Variants in CALB2 observed in about 807,000 individuals in gnomAD.
CALB2 encodes calbindin 2, also known as calretinin.
Under a neutral mutation model 45.9 loss-of-function variants are expected in CALB2, and 34 were observed. That is an observed-to-expected ratio of 0.74 (90% CI 0.56 to 0.99). The LOEUF (loss-of-function observed/expected upper bound fraction) is 0.99. Ranked by LOEUF, CALB2 falls within the 50% of genes least tolerant of loss-of-function variation. The pLI is 0.00. For missense variants in CALB2, 344 were observed against 339.3 expected (o/e 1.01, Z -0.11); for synonymous variants, 142 against 129.6 (o/e 1.10, Z -0.65).
intron 1 of CALB2, among the ~76,000 whole-genome samples, chr16:71,364,062 T>C (rs1244837169): frequency 6.6e-6 from 1 of 152,006 alleles, no homozygotes; most frequent in Admixed American, 6.5e-5. Context: ...ACTCCCCAGT[T>C]TTTTCACTAA....
At chr16:71,383,334 T>G (rs776152335) in intron 5 of CALB2, 33 bp from the exon 6 acceptor site, 8 of 1,596,828 alleles carry the variant, frequency 5.0e-6, no homozygotes, top group Non-Finnish European at 5.1e-6. Context: ...AATGCACGAG[T>G]CAGGAGTACT....
chr16:71,383,910 G>A, intron 6 of CALB2, 60 bp from the exon 7 acceptor site: 4 of 1,569,102 alleles, frequency 2.5e-6, no homozygotes, highest in African/African-American at 1.4e-5. Context: ...CCAGTAAAAG[G>A]GGATGTCAGG....
intron 1 of CALB2, among the ~76,000 whole-genome samples, chr16:71,359,329 G>A (rs900683014): frequency 1.3e-5 from 2 of 152,194 alleles, no homozygotes; most frequent in African/African-American, 4.8e-5. Flanking sequence ...ATAAATTAGG[G>A]GATCCTGAAG....
chr16:71,386,392 C>A (rs2042571628), intron 10 of CALB2, among the ~76,000 whole-genome samples: 1 of 152,116 alleles, frequency 6.6e-6, no homozygotes, highest in Admixed American at 6.5e-5. Context: ...GGACAGAGGC[C>A]AGTGAGAGGT....
chr16:71,369,892 A>T (rs1272510238), intron 1 of CALB2, among the ~76,000 whole-genome samples: 2 of 152,218 alleles, frequency 1.3e-5, no homozygotes, highest in African/African-American at 4.8e-5. Context: ...TCATTCTTCC[A>T]ACTCAGAGCA....
At chr16:71,372,302 A>AC in intron 2 of CALB2, 73 bp downstream of exon 2, 1 of 1,062,188 alleles carries the variant, frequency 9.4e-7, no homozygotes, top group Non-Finnish European at 1.4e-6. Flanking sequence ...TGTCCCAGTT[A>AC]TGTATGCCAT....
chr16:71,384,773 G>T lies in CALB2; in HGVS notation c.574-10G>T. On this transcript the variant is annotated splice_polypyrimidine_tract_variant and intron_variant, in intron 8 of 10. Coordinates refer to ENST00000302628, the MANE Select transcript of CALB2 (RefSeq NM_001740.5). ...TTCTGCTTCTGTCTTTAATACCCTG[G>T]TTCTTGCAGGGCATGAAGCTGACCT... The T allele has an allele frequency of 3.0e-6, 4 of 1,352,460 alleles. No individual in the cohort carries two copies. Among genetic ancestry groups the T allele is most frequent in the Admixed American group, 2.4e-5 (1 of 41,398 alleles). The allele number at this position is 1,352,460 out of a possible 1,614,324, so 83.8% of individuals were successfully genotyped here.
intron 6 of CALB2, 85 bp downstream of exon 6, chr16:71,383,529 T>C (rs968744755): frequency 3.3e-6 from 4 of 1,224,612 alleles, no homozygotes; most frequent in Non-Finnish European, 3.5e-6. Context: ...GGGTCCCTTG[T>C]TTGCTGATTC....
chr16:71,383,572 GCTGGC>G, intron 6 of CALB2, 128 bp downstream of exon 6: 1 of 829,864 alleles, frequency 1.2e-6, no homozygotes, highest in Non-Finnish European at 1.9e-6. Context: ...CACAGTGGCA[GCTGGC>G]AAAAAGGGAT....
chr16:71,380,387 C>T (rs61069194), intron 4 of CALB2, among the ~76,000 whole-genome samples: 19,775 of 139,214 alleles, frequency 0.14, 1,459 homozygotes, highest in South Asian at 0.21. Context: ...CAGCTCACTA[C>T]AACCTCCGCC....
At chr16:71,362,241 A>G (rs1476857134) in intron 1 of CALB2, among the ~76,000 whole-genome samples, 2 of 152,154 alleles carry the variant, frequency 1.3e-5, no homozygotes, top group African/African-American at 4.8e-5. Flanking sequence ...TATGGTTCTG[A>G]TTAGACAGGC....
At chr16:71,365,506 A>T (rs1231781940) in intron 1 of CALB2, among the ~76,000 whole-genome samples, 1 of 152,120 alleles carries the variant, frequency 6.6e-6, no homozygotes, top group African/African-American at 2.4e-5. Flanking sequence ...CCTAGACCAA[A>T]ATTTGAAAAC....
chr16:71,373,371 G>A (rs1183134516), intron 2 of CALB2, among the ~76,000 whole-genome samples: 2 of 152,140 alleles, frequency 1.3e-5, no homozygotes, highest in Non-Finnish European at 1.5e-5. Flanking sequence ...GGTTGGAGGC[G>A]ATTCATGGGT....
intron 10 of CALB2, chr16:71,389,541 C>T (rs2042611883): frequency 4.2e-6 from 3 of 722,694 alleles, no homozygotes; most frequent in South Asian, 1.4e-5. Context: ...ACTACCTTCC[C>T]CAAAGCAATG....
At chr16:71,374,427 T>G (rs1331671523) in intron 2 of CALB2, among the ~76,000 whole-genome samples, 3 of 152,214 alleles carry the variant, frequency 2.0e-5, no homozygotes, top group Non-Finnish European at 2.9e-5. Context: ...ATCTGAGTGA[T>G]GGGAACAAGT....
intron 1 of CALB2, among the ~76,000 whole-genome samples, chr16:71,369,663 G>A (rs559616531): frequency 2.0e-5 from 3 of 152,220 alleles, no homozygotes; most frequent in East Asian, 1.9e-4. Flanking sequence ...ACACGCACTC[G>A]TGGTGCCAGC....
chr16:71,387,413 A>G (rs1297419274), intron 10 of CALB2, among the ~76,000 whole-genome samples: 4 of 151,706 alleles, frequency 2.6e-5, no homozygotes, highest in African/African-American at 9.7e-5. Context: ...GTAGAAAGAG[A>G]GAGCCGCGTG....
At position 71,380,292 on chromosome 16, in the gene CALB2, C is replaced by CTTT. The variant is rs544138378; in HGVS notation, c.343-2394_343-2392dup. On this transcript the variant is annotated intron_variant, in intron 4 of 10. Coordinates refer to ENST00000302628, the MANE Select transcript of CALB2 (RefSeq NM_001740.5). ...CTTTCTTTCTTCTTTCCTTCCTTTT[C>CTTT]TTTTTTTTTTTTTTTTTTTTTTTTT... Among the ~76,000 whole-genome samples the CTTT allele has an allele frequency of 4.3e-3, 188 of 43,742 alleles. 2 individuals carry two copies. Among genetic ancestry groups the CTTT allele is most frequent in the Non-Finnish European group, 5.4e-3 (131 of 24,318 alleles). 28.7% of individuals were successfully genotyped at this position (43,742 alleles called of 152,430 possible).
In CALB2 at chr16:71,374,844, G is replaced by A; in HGVS notation, c.261+10G>A. ...AATCGAGATGGCAGAGGTGAGCCCT[G>A]CCTCGCTGGTAAAGAGCTGTGTGGG... is the stretch of plus-strand genomic sequence containing the variant. On this transcript the variant is annotated intron_variant, in intron 3 of 10. Coordinates refer to ENST00000302628, the MANE Select transcript of CALB2 (RefSeq NM_001740.5). 2 of 1,592,268 alleles carry A rather than the reference G, an allele frequency of 1.3e-6. No individual in the cohort carries two copies. The highest frequency in any genetic ancestry group is 1.1e-5 in the South Asian group (1 of 90,402).
Sources: allele counts gnomAD v4.1 joint callset (sites outside exome capture counted in the v4.1 genomes callset), GRCh38; gene constraint gnomAD v4.1.1; transcripts MANE v1.5; gene names NCBI Gene and HGNC (gene_info 2026-07-23, HGNC 2026-07-21).